MARCHF2: variants seen among roughly 807,000 people sequenced by gnomAD.
MARCHF2 encodes the protein membrane associated ring-CH-type finger 2.
In MARCHF2, 22 loss-of-function variants were observed where a neutral mutation model predicts 24.0. That is an observed-to-expected ratio of 0.92 (90% CI 0.66 to 1.31). MARCHF2 has a LOEUF of 1.31. MARCHF2 is among the 50% of genes most tolerant of loss of function. The pLI, the probability that MARCHF2 is intolerant of heterozygous loss-of-function variation, is 0.00. For missense variants in MARCHF2, 301 were observed against 335.3 expected, an observed-to-expected ratio of 0.90 and a Z score of 0.80; for synonymous variants, 154 against 153.0, an observed-to-expected ratio of 1.01 and a Z score of -0.05.
chr19:8,426,459 G>A lies in MARCHF2; in HGVS notation c.177-150G>A, dbSNP rs2145555296. The A allele has an allele frequency of 3.1e-6, 2 of 637,550 alleles. 1 individual carries two copies. The highest frequency in any genetic ancestry group is 3.8e-5 in the South Asian group (2 of 52,152). The allele number at this position is 637,550 out of a possible 1,614,324, so 39.5% of individuals were successfully genotyped here. ...CTTCCCTGCATCTCCTTCCCAAAGG[G>A]AAGGACATTTAGAGCTGGGCATTGA... is the stretch of plus-strand genomic sequence containing the variant. On this transcript the variant is annotated intron_variant, in intron 2 of 4. Transcript: ENST00000215555.
chr19:8,432,900 A>G (rs1967618772), intron 4 of MARCHF2, among the ~76,000 whole-genome samples: 1 of 151,942 alleles, frequency 6.6e-6, no homozygotes. Context: ...CAGCCTGGGC[A>G]AGATGGTGAG....
rs143575289 is a variant in MARCHF2, at chr19:8,426,713, T to G, written c.281T>G (p.Leu94Arg). The G allele has an allele frequency of 2.5e-6, 4 of 1,613,404 alleles. No individual in the cohort carries two copies. Among genetic ancestry groups the G allele is most frequent in the Non-Finnish European group, 3.4e-6 (4 of 1,180,020 alleles). Residue 94 changes from leucine to arginine, a missense_variant, in exon 3 of 5, where the codon CTG (leucine) becomes CGG (arginine). Leu to Arg is a moderately radical substitution (Grantham distance 102). Transcript: ENST00000215555. ...CTGGGTGCCGTGCATAAGAGCTGTC[T>G]GGAGAAGTGGCTTTCCTCATCTAAC... ...GTLGAVHKSC[L>R]EKWLSSSNTS...
chr19:8,426,896 C>T, intron 3 of MARCHF2, 92 bp downstream of exon 3: 1 of 1,178,022 alleles, frequency 8.5e-7, no homozygotes, highest in Non-Finnish European at 1.2e-6. Context: ...ATCTGGTGGT[C>T]CTCCTAGGGC....
At chr19:8,435,239 C>G (rs1328341934) in intron 4 of MARCHF2, among the ~76,000 whole-genome samples, 1 of 151,888 alleles carries the variant, frequency 6.6e-6, no homozygotes, top group Admixed American at 6.6e-5. Flanking sequence ...AGGATGGTCT[C>G]GATTTCTTGA....
rs556128681 is a variant in MARCHF2 at position 8,430,427 on chromosome 19, C to T, written c.373-231C>T. Among the ~76,000 whole-genome samples the T allele has an allele frequency of 1.2e-4, 18 of 152,084 alleles. No homozygotes were observed. The South Asian group carries it at 3.7e-3, about 32-fold the overall frequency. On this transcript the variant is annotated intron_variant, in intron 3 of 4. Coordinates refer to ENST00000215555, the MANE Select transcript of MARCHF2 (RefSeq NM_001005415.2). The surrounding 1 kb of genome is among the most constrained non-coding windows in gnomAD (Gnocchi z 4.4). ...GCGCTTGCCTGTAATCCCAGCTACT[C>T]CGGTGGCTGAGACAGGAGAATTGCT...
intron 1 of MARCHF2, among the ~76,000 whole-genome samples, chr19:8,419,815 CA>C (rs372543513): frequency 9.4e-5 from 11 of 117,506 alleles, no homozygotes; most frequent in Admixed American, 1.8e-4. Context: ...GACTCCGTCT[CA>C]AAAAAAAAAT....
At chr19:8,420,195 ATAAT>A (rs1189423022) in intron 1 of MARCHF2, among the ~76,000 whole-genome samples, 2 of 147,368 alleles carry the variant, frequency 1.4e-5, no homozygotes, top group South Asian at 2.1e-4. Context: ...AAATAAATAA[ATAAT>A]TAGCTGAGTG....
chr19:8,434,687 A>G (rs1334052283), intron 4 of MARCHF2, among the ~76,000 whole-genome samples: 1 of 151,084 alleles, frequency 6.6e-6, no homozygotes, highest in Non-Finnish European at 1.5e-5. Context: ...TGGTCAAAGG[A>G]TGTGAACCAC....
intron 4 of MARCHF2, among the ~76,000 whole-genome samples, chr19:8,432,068 G>A (rs1233933028): frequency 6.6e-6 from 1 of 152,020 alleles, no homozygotes; most frequent in East Asian, 1.9e-4. Context: ...TGAGGCAGGA[G>A]CATCGCTTAA....
Position 8,419,718 on chromosome 19 carries a change from A to T in MARCHF2, c.-52-2071A>T, listed in dbSNP as rs1184588264. On this transcript the variant is annotated intron_variant, in intron 1 of 4. Transcript: ENST00000215555. Reference sequence around the variant, plus strand: ...GTAGACCCAGCTACTCGGGAGGCTGAGGCAGGAGAATGGCGTGAACCCGGG... The same window carrying T: ...GTAGACCCAGCTACTCGGGAGGCTGTGGCAGGAGAATGGCGTGAACCCGGG... Among the ~76,000 whole-genome samples, 21 of 148,498 alleles carry T rather than the reference A, an allele frequency of 1.4e-4. No individual in the cohort carries two copies. In the Admixed American group the frequency reaches 1.4e-3, roughly 10 times the overall value.
chr19:8,425,491 C>T (rs1189854874), intron 2 of MARCHF2, among the ~76,000 whole-genome samples: 3 of 152,070 alleles, frequency 2.0e-5, no homozygotes, highest in Non-Finnish European at 4.4e-5. Context: ...AGTGATCCTC[C>T]CGCTTCAGCC....
At chr19:8,417,068 T>G (rs1397301767) in intron 1 of MARCHF2, among the ~76,000 whole-genome samples, 1 of 152,082 alleles carries the variant, frequency 6.6e-6, no homozygotes, top group Admixed American at 6.6e-5. Context: ...TGGTTTTTTT[T>G]TTTTCTCCCT....
chr19:8,414,573 C>T (rs748867017), intron 1 of MARCHF2, among the ~76,000 whole-genome samples: 2 of 152,132 alleles, frequency 1.3e-5, no homozygotes, highest in Admixed American at 6.6e-5. Flanking sequence ...CCACTGCGCC[C>T]GGCCTGTAAC....
intron 1 of MARCHF2, among the ~76,000 whole-genome samples, chr19:8,415,765 A>G (rs1178342226): frequency 6.7e-6 from 1 of 150,180 alleles, no homozygotes; most frequent in Non-Finnish European, 1.5e-5. Flanking sequence ...ACCAGACAAA[A>G]GAAAGAAGAG....
At chr19:8,421,757 T>A in intron 1 of MARCHF2, 32 bp from the exon 2 acceptor site, 1 of 1,316,466 alleles carries the variant, frequency 7.6e-7, no homozygotes, top group Non-Finnish European at 1.0e-6. Flanking sequence ...TCATTAACCT[T>A]GCCCCTAACC....
At chr19:8,436,781 C>A (rs1227083014) in intron 4 of MARCHF2, among the ~76,000 whole-genome samples, 1 of 150,166 alleles carries the variant, frequency 6.7e-6, no homozygotes, top group African/African-American at 2.5e-5. Context: ...ACCCCTCCCC[C>A]ACAGGTTCAA....
intron 4 of MARCHF2, among the ~76,000 whole-genome samples, chr19:8,437,509 G>A (rs929655268): frequency 1.3e-5 from 2 of 151,054 alleles, no homozygotes; most frequent in African/African-American, 2.4e-5. Context: ...CCACCACCAC[G>A]GCCGGCTAAT....
chr19:8,419,358 G>A (rs978743689), intron 1 of MARCHF2, among the ~76,000 whole-genome samples: 1 of 152,134 alleles, frequency 6.6e-6, no homozygotes, highest in African/African-American at 2.4e-5. Flanking sequence ...GCTGGGCATG[G>A]TGGCGCATGC....
At chr19:8,437,497 G>A (rs986267428) in intron 4 of MARCHF2, among the ~76,000 whole-genome samples, 1 of 150,414 alleles carries the variant, frequency 6.6e-6, no homozygotes, top group African/African-American at 2.4e-5. Context: ...GATTACAGGC[G>A]CCCACCACCA....
Sources: allele counts gnomAD v4.1 joint callset (sites outside exome capture counted in the v4.1 genomes callset), GRCh38; gene constraint gnomAD v4.1.1; non-coding constraint Gnocchi (gnomAD v3.1); transcripts MANE v1.5; gene names NCBI Gene and HGNC (gene_info 2026-07-23, HGNC 2026-07-21).